Variants in RIC1 observed in about 807,000 individuals in gnomAD.
RIC1 encodes guanine nucleotide exchange factor subunit RIC1.
RIC1 carries 88 observed loss-of-function variants against 169.0 expected under a neutral mutation model. The ratio of observed to expected loss-of-function variants is 0.52; its 90% CI spans 0.44 to 0.62. The LOEUF (loss-of-function observed/expected upper bound fraction) is 0.62. Ranked by LOEUF, RIC1 falls within the 20% of genes least tolerant of loss-of-function variation. The probability of loss-of-function intolerance (pLI) is 0.00; values close to 1 mark genes in which losing one functional copy is unlikely to be tolerated. For synonymous variants in RIC1, 790 were observed against 601.5 expected, an observed-to-expected ratio of 1.31 and a Z score of -4.59; for missense variants, 1,877 against 1,725.5, an observed-to-expected ratio of 1.09 and a Z score of -1.56.
At chr9:5,712,136 C>G (rs1822968661) in intron 3 of RIC1, among the ~76,000 whole-genome samples, 1 of 152,116 alleles carries the variant, frequency 6.6e-6, no homozygotes, top group African/African-American at 2.4e-5. Context: ...TTCTAGATCC[C>G]TAAGGAATCG....
chr9:5,715,313 A>G (rs1409366656), intron 4 of RIC1, among the ~76,000 whole-genome samples: 1 of 152,158 alleles, frequency 6.6e-6, no homozygotes, highest in Non-Finnish European at 1.5e-5. Flanking sequence ...GAAACCTTGT[A>G]TGGTGCATGG....
At chr9:5,705,210 TTTA>T (rs1822505169) in intron 3 of RIC1, among the ~76,000 whole-genome samples, 1 of 151,410 alleles carries the variant, frequency 6.6e-6, no homozygotes, top group Non-Finnish European at 1.5e-5. Flanking sequence ...TTTTTTTTTT[TTTA>T]AAAGAACATT....
At chr9:5,754,700 C>T (rs1825902268) in intron 14 of RIC1, 141 bp from the exon 15 acceptor site, 1 of 476,002 alleles carries the variant, frequency 2.1e-6, no homozygotes, top group South Asian at 4.6e-5. Flanking sequence ...CACTGCACTC[C>T]AGCATGGGTG....
At chr9:5,667,906 C>A (rs1376107634) in intron 2 of RIC1, among the ~76,000 whole-genome samples, 3 of 152,154 alleles carry the variant, frequency 2.0e-5, no homozygotes, top group Admixed American at 2.0e-4. Flanking sequence ...ATAGCAGCAC[C>A]CCACTCTCTG....
intron 4 of RIC1, among the ~76,000 whole-genome samples, chr9:5,717,969 G>A (rs937330728): frequency 6.6e-6 from 1 of 151,414 alleles, no homozygotes; most frequent in African/African-American, 2.4e-5. Flanking sequence ...GCGAAACCTT[G>A]TCTCTACTAA....
chr9:5,742,718 A>C, intron 8 of RIC1, 151 bp from the exon 9 acceptor site: 1 of 679,600 alleles, frequency 1.5e-6, no homozygotes, highest in Non-Finnish European at 2.4e-6. Context: ...AACTTTAAGT[A>C]GTCCTAAATG....
intron 8 of RIC1, among the ~76,000 whole-genome samples, chr9:5,739,659 A>C (rs530331232): frequency 6.6e-6 from 1 of 152,140 alleles, no homozygotes; most frequent in Non-Finnish European, 1.5e-5. Context: ...CTGTTGCCTC[A>C]GGCAGCACAG....
At chr9:5,693,676 G>C (rs1458610098) in intron 3 of RIC1, among the ~76,000 whole-genome samples, 1 of 152,050 alleles carries the variant, frequency 6.6e-6, no homozygotes, top group Non-Finnish European at 1.5e-5. Context: ...GAAATAATTT[G>C]TGTTTAGCTT....
At chr9:5,641,182 C>A (rs1411174784) in intron 1 of RIC1, among the ~76,000 whole-genome samples, 3 of 151,662 alleles carry the variant, frequency 2.0e-5, no homozygotes, top group Middle Eastern at 3.4e-3. Context: ...AGCTCTGCCT[C>A]CTGGGTTCAC....
At chr9:5,739,121 C>T (rs1038399165) in intron 8 of RIC1, among the ~76,000 whole-genome samples, 2 of 152,082 alleles carry the variant, frequency 1.3e-5, no homozygotes, top group Admixed American at 6.5e-5. Flanking sequence ...AAGGGTATAT[C>T]TTCTGGACCC....
intron 3 of RIC1, among the ~76,000 whole-genome samples, chr9:5,695,360 A>G (rs998722220): frequency 6.6e-6 from 1 of 152,192 alleles, no homozygotes; most frequent in Non-Finnish European, 1.5e-5. Context: ...ATCCTGGGAA[A>G]GTCAAGAGCG....
intron 2 of RIC1, among the ~76,000 whole-genome samples, chr9:5,667,779 CAG>C (rs1428725204): frequency 6.6e-6 from 1 of 152,166 alleles, no homozygotes; most frequent in African/African-American, 2.4e-5. Context: ...GCTGGGATTA[CAG>C]GCATGAGCCA....
intron 4 of RIC1, among the ~76,000 whole-genome samples, chr9:5,719,778 A>G (rs1225147883): frequency 3.3e-5 from 5 of 152,224 alleles, no homozygotes; most frequent in African/African-American, 1.2e-4. Context: ...TCAAAGTTTT[A>G]TTGGACAAGT....
chr9:5,676,102 A>G (rs1238941680), intron 2 of RIC1, among the ~76,000 whole-genome samples: 1 of 152,178 alleles, frequency 6.6e-6, no homozygotes, highest in Non-Finnish European at 1.5e-5. Flanking sequence ...AGCTAACGAA[A>G]GACGAGGTCT....
Position 5,738,478 on chromosome 9 carries a change from A to G in RIC1, c.841A>G (p.Asn281Asp). 1.2e-6 allele frequency: 2 copies of G among 1,607,542 alleles called. No individual in the cohort carries two copies. Among genetic ancestry groups the G allele is most frequent in the South Asian group, 2.2e-5 (2 of 89,386 alleles). The change falls in exon 8 of 26, where the codon AAC becomes GAC. Residue 281 changes from asparagine (N) to aspartate (D), a missense_variant. Around this residue, in one of 3 missense-constraint regions of RIC1, gnomAD observed 1,104 missense variants for 992.0 expected, o/e 1.11. Transcript: ENST00000414202. ...TTCTGTGCAGGTCTATACAATAGATAACAGCACTGGAGCCATGCTGCTATC... is the reference window on the plus strand; with the variant it reads ...TTCTGTGCAGGTCTATACAATAGATGACAGCACTGGAGCCATGCTGCTATC... The part of the protein sequence containing the change: ...SGSVQVYTID[N>D]STGAMLLSHK...
intron 3 of RIC1, 118 bp from the exon 4 acceptor site, chr9:5,713,778 A>AG (rs1281803786): frequency 1.1e-5 from 6 of 563,836 alleles, no homozygotes; most frequent in African/African-American, 9.5e-5. Flanking sequence ...GAGAATCTGA[A>AG]GGATGAATAC....
At chr9:5,641,340 C>T (rs974993198) in intron 1 of RIC1, among the ~76,000 whole-genome samples, 3 of 152,126 alleles carry the variant, frequency 2.0e-5, no homozygotes. Context: ...ATCTGCCCGC[C>T]TCGGCCTCCC....
At chr9:5,675,979 T>C (rs940822757) in intron 2 of RIC1, among the ~76,000 whole-genome samples, 1 of 152,236 alleles carries the variant, frequency 6.6e-6, no homozygotes, top group African/African-American at 2.4e-5. Flanking sequence ...CCATCTTGCC[T>C]TTAACCTCCC....
chr9:5,673,553 T>TAC (rs1554663244), intron 2 of RIC1, among the ~76,000 whole-genome samples: 1 of 144,444 alleles, frequency 6.9e-6, no homozygotes, highest in East Asian at 2.0e-4. Context: ...TATATATATA[T>TAC]ATATAAATAA....
Sources: allele counts gnomAD v4.1 joint callset (sites outside exome capture counted in the v4.1 genomes callset), GRCh38; gene constraint gnomAD v4.1.1; regional missense constraint gnomAD v4.1.1; transcripts MANE v1.5; gene names NCBI Gene and HGNC (gene_info 2026-07-23, HGNC 2026-07-21).